The following ANO2 variants were observed in gnomAD, a reference collection of about 807,000 sequenced individuals.
ANO2 encodes anoctamin-2.
In ANO2, 101 loss-of-function variants were observed where a neutral mutation model predicts 124.2. That is an observed-to-expected ratio of 0.81 (90% confidence interval 0.69 to 0.96). The LOEUF (loss-of-function observed/expected upper bound fraction) is 0.96, where lower values mean the gene tolerates loss of function less well. ANO2 is among the 40% of genes least tolerant of loss of function. The probability of loss-of-function intolerance (pLI) is 0.00; values close to 1 mark genes in which losing one functional copy is unlikely to be tolerated. For synonymous variants in ANO2, 486 were observed against 482.5 expected (o/e 1.01, Z -0.09); for missense variants, 1,293 against 1,274.5 (o/e 1.01, Z -0.22).
At chr12:5,726,970 G>T (rs1814617060) in intron 14 of ANO2, among the ~76,000 whole-genome samples, 1 of 152,004 alleles carries the variant, frequency 6.6e-6, no homozygotes, top group Admixed American at 6.6e-5. Flanking sequence ...CCTACCCCGG[G>T]GTCCTTATAT....
intron 4 of ANO2, among the ~76,000 whole-genome samples, chr12:5,853,056 C>A (rs1954965121): frequency 6.6e-6 from 1 of 151,948 alleles, no homozygotes; most frequent in South Asian, 2.1e-4. Flanking sequence ...CCTAAAATAC[C>A]TATGAATAAA....
chr12:5,872,142 T>TC (rs1312376364), intron 3 of ANO2, among the ~76,000 whole-genome samples: 2 of 152,126 alleles, frequency 1.3e-5, no homozygotes, highest in Non-Finnish European at 2.9e-5. Flanking sequence ...TTGTCCTTTT[T>TC]CCCTCTCGTG....
Position 5,908,334 on chromosome 12 carries a change from G to A in ANO2, c.534+12706C>T, listed in dbSNP as rs1940830647. Reference sequence around the variant, plus strand: ...CCCAGAAAGAACGGATCAACAGCATGGGCTAAAATATCCACGGTCAAACAG... The same window carrying A: ...CCCAGAAAGAACGGATCAACAGCATAGGCTAAAATATCCACGGTCAAACAG... On this transcript the variant is annotated intron_variant, in intron 3 of 24. Coordinates refer to ENST00000682330, the MANE Select transcript of ANO2 (RefSeq NM_001364791.2). This position sits in a 1 kb window ranked among gnomAD's most constrained non-coding sequence, Gnocchi z 4.7. 6.6e-6 allele frequency among the ~76,000 whole-genome samples: 1 copy of A among 152,234 alleles called. No homozygotes were observed. Among genetic ancestry groups the A allele is most frequent in the Non-Finnish European group, 1.5e-5 (1 of 68,042 alleles).
intron 23 of ANO2, among the ~76,000 whole-genome samples, chr12:5,570,184 TTAAA>T (rs1407574200): frequency 1.3e-5 from 2 of 152,240 alleles, no homozygotes; most frequent in Non-Finnish European, 2.9e-5. Context: ...TGTACATGAC[TTAAA>T]TAAGATTTCC....
intron 7 of ANO2, among the ~76,000 whole-genome samples, chr12:5,819,279 C>CT (rs1404795165): frequency 1.3e-5 from 2 of 152,088 alleles, no homozygotes; most frequent in Admixed American, 6.5e-5. Context: ...CAGTATGACC[C>CT]ACGAGAAGGT....
chr12:5,577,896 C>T, intron 22 of ANO2, 59 bp downstream of exon 22: 1 of 1,556,746 alleles, frequency 6.4e-7, no homozygotes, highest in Non-Finnish European at 8.8e-7. Flanking sequence ...CTTTGAAGAC[C>T]TCAGCTTCTC....
At chr12:5,778,901 G>GT (rs1952305852) in intron 10 of ANO2, among the ~76,000 whole-genome samples, 1 of 152,216 alleles carries the variant, frequency 6.6e-6, no homozygotes, top group Non-Finnish European at 1.5e-5. Context: ...TCAGAAGAGT[G>GT]TAAGTTTCTT....
At chr12:5,884,499 G>T (rs1938744404) in intron 3 of ANO2, among the ~76,000 whole-genome samples, 1 of 152,202 alleles carries the variant, frequency 6.6e-6, no homozygotes, top group African/African-American at 2.4e-5. Context: ...ATTTGATAGG[G>T]CCCCATGGCC....
chr12:5,618,856 T>C (rs1475023531), intron 16 of ANO2, among the ~76,000 whole-genome samples: 1 of 152,212 alleles, frequency 6.6e-6, no homozygotes, highest in Non-Finnish European at 1.5e-5. Flanking sequence ...CTCTCCCAGA[T>C]TGACCTGTCA....
chr12:5,792,319 T>A lies in ANO2; in HGVS notation c.1055+7188A>T, dbSNP rs1481259757. Among the ~76,000 whole-genome samples the A allele has an allele frequency of 2.0e-5, 3 of 152,360 alleles. No individual in the cohort carries two copies. The East Asian group carries it at 5.8e-4, about 29-fold the overall frequency. On this transcript the variant is annotated intron_variant, in intron 10 of 24. Transcript: ENST00000682330. ...ATCTTTTGACTGTCAGCCTCACTCC[T>A]TCTCCATTTTGTTCTGAGAATAGGG...
intron 4 of ANO2, among the ~76,000 whole-genome samples, chr12:5,833,164 T>C (rs1165647315): frequency 6.6e-6 from 1 of 152,246 alleles, no homozygotes; most frequent in Non-Finnish European, 1.5e-5. Flanking sequence ...TTAGGAAATA[T>C]CTGTGTTTAA....
chr12:5,838,667 C>G (rs1954406547), intron 4 of ANO2, among the ~76,000 whole-genome samples: 1 of 152,180 alleles, frequency 6.6e-6, no homozygotes, highest in African/African-American at 2.4e-5. Context: ...TCCCAGGAGC[C>G]CTTCCTTGCC....
chr12:5,703,420 C>A (rs754060509), intron 14 of ANO2, among the ~76,000 whole-genome samples: 1 of 152,202 alleles, frequency 6.6e-6, no homozygotes, highest in South Asian at 2.1e-4. Flanking sequence ...GGGGCGCCCA[C>A]ATGCTTCAAT....
intron 4 of ANO2, among the ~76,000 whole-genome samples, chr12:5,833,628 G>A (rs1189485045): frequency 6.6e-6 from 1 of 152,152 alleles, no homozygotes; most frequent in African/African-American, 2.4e-5. Flanking sequence ...GTGCGTGGTG[G>A]GTGAGCAAGC....
At chr12:5,932,056 G>C (rs1359024083) in intron 1 of ANO2, among the ~76,000 whole-genome samples, 1 of 85,432 alleles carries the variant, frequency 1.2e-5, no homozygotes, top group Non-Finnish European at 2.5e-5. Context: ...AAGGAAGACT[G>C]GTAAGAAAGT....
chr12:5,575,610 G>C (rs1210179829), intron 23 of ANO2, among the ~76,000 whole-genome samples: 1 of 152,198 alleles, frequency 6.6e-6, no homozygotes, highest in Non-Finnish European at 1.5e-5. Flanking sequence ...ACTGTAGGCA[G>C]TAATATAGTG....
intron 23 of ANO2, among the ~76,000 whole-genome samples, chr12:5,572,746 A>G (rs1430049228): frequency 6.6e-6 from 1 of 152,164 alleles, no homozygotes. Flanking sequence ...CTTCAGCTTG[A>G]TCTTGGGATG....
intron 14 of ANO2, among the ~76,000 whole-genome samples, chr12:5,722,263 T>C (rs1343777918): frequency 6.6e-6 from 1 of 152,098 alleles, no homozygotes; most frequent in East Asian, 1.9e-4. Flanking sequence ...TCCCAGCACT[T>C]TGGGAGGCTG....
intron 14 of ANO2, among the ~76,000 whole-genome samples, chr12:5,697,552 G>A (rs1949234478): frequency 6.6e-6 from 1 of 152,252 alleles, no homozygotes; most frequent in Admixed American, 6.5e-5. Flanking sequence ...GATGATTTCT[G>A]CATTTCCAAC....
Sources: gnomAD v4.1 joint callset for allele counts (sites outside exome capture counted in the v4.1 genomes callset) on GRCh38, gnomAD v4.1.1 for gene constraint, Gnocchi (gnomAD v3.1) non-coding constraint, MANE v1.5 for transcripts, NCBI Gene and HGNC (gene_info 2026-07-23, HGNC 2026-07-21) for gene names.